Variants in HPRT1 observed in about 807,000 individuals in gnomAD.
HPRT1 encodes hypoxanthine phosphoribosyltransferase 1.
Under a neutral mutation model 19.0 loss-of-function variants are expected in HPRT1, and 4 were observed. The ratio of observed to expected loss-of-function variants is 0.21; its 90% CI spans 0.10 to 0.48. The LOEUF is 0.48. Among genes scored for constraint, HPRT1 ranks in the 20% least tolerant of loss-of-function variants. The pLI is 0.98. For missense variants in HPRT1, 65 were observed against 164.0 expected (o/e 0.40, Z 3.30); for synonymous variants, 53 against 54.9 (o/e 0.97, Z 0.15).
intron 1 of HPRT1, 39 bp downstream of exon 1, chrX:134,460,377 C>G: frequency 9.6e-7 from 1 of 1,040,954 alleles, no homozygotes; most frequent in Non-Finnish European, 1.2e-6. Flanking sequence ...CGGTTCAGGC[C>G]CACGCGGCAG....
At chrX:134,490,228 T>G in intron 5 of HPRT1, 23 bp downstream of exon 5, 1 of 931,292 alleles carries the variant, frequency 1.1e-6, no homozygotes, top group African/African-American at 1.9e-5. Context: ...TTACTTTTAA[T>G]ATAACATTTA....
chrX:134,488,263 A>G (rs1219500838), intron 4 of HPRT1, among the ~76,000 whole-genome samples: 2 of 110,152 alleles, frequency 1.8e-5, no homozygotes, highest in East Asian at 5.7e-4. Flanking sequence ...TCAGACTCCC[A>G]AGTAGCTGGG....
chrX:134,498,304 A>T, intron 6 of HPRT1, 86 bp from the exon 7 acceptor site: 1 of 751,947 alleles, frequency 1.3e-6, no homozygotes. Context: ...GGATGAAATG[A>T]AACAGTGTTT....
chrX:134,469,060 G>A (rs938802560), intron 1 of HPRT1, among the ~76,000 whole-genome samples: 3 of 111,014 alleles, frequency 2.7e-5, no homozygotes, highest in Non-Finnish European at 5.7e-5. Context: ...GCCCGGCCTT[G>A]TATTATGATA....
intron 6 of HPRT1, among the ~76,000 whole-genome samples, chrX:134,497,038 T>TATAACA (rs1000539518): frequency 8.9e-6 from 1 of 112,273 alleles, no homozygotes; most frequent in Non-Finnish European, 1.9e-5. Context: ...AGGCAGCATT[T>TATAACA]GGGTTATAAA....
At chrX:134,463,533 C>G (rs1170441778) in intron 1 of HPRT1, among the ~76,000 whole-genome samples, 1 of 110,959 alleles carries the variant, frequency 9.0e-6, no homozygotes, top group African/African-American at 3.3e-5. Flanking sequence ...TAGAGCAGTT[C>G]AGTTCAGGGG....
At chrX:134,482,686 T>G (rs1462223935) in intron 3 of HPRT1, among the ~76,000 whole-genome samples, 3 of 106,151 alleles carry the variant, frequency 2.8e-5, no homozygotes, top group Admixed American at 1.0e-4. Context: ...AAACCTTTAG[T>G]TTTTTTTTTA....
intron 3 of HPRT1, among the ~76,000 whole-genome samples, chrX:134,483,999 GTC>G (rs2077646304): frequency 9.0e-6 from 1 of 111,489 alleles, no homozygotes; most frequent in South Asian, 3.8e-4. Flanking sequence ...GTGAGATCCT[GTC>G]TCTATTTTTT....
intron 1 of HPRT1, among the ~76,000 whole-genome samples, chrX:134,473,061 T>G (rs1163787185): frequency 9.0e-6 from 1 of 110,543 alleles, no homozygotes. Flanking sequence ...CTAATTTTTT[T>G]GTATTTTTAG....
chrX:134,497,266 C>G (rs1284352300), intron 6 of HPRT1, among the ~76,000 whole-genome samples: 1 of 110,427 alleles, frequency 9.1e-6, no homozygotes, highest in Non-Finnish European at 1.9e-5. Context: ...GAAGTCAAGG[C>G]TGCAGTGAAC....
At chrX:134,484,848 A>T (rs926394592) in intron 3 of HPRT1, among the ~76,000 whole-genome samples, 16 of 111,296 alleles carry the variant, frequency 1.4e-4, no homozygotes, top group African/African-American at 4.9e-4. Flanking sequence ...TTTTTTAAAT[A>T]AAAAAAAGAG....
intron 1 of HPRT1, among the ~76,000 whole-genome samples, chrX:134,471,630 ACTTTT>A (rs2077610661): frequency 9.0e-6 from 1 of 110,965 alleles, no homozygotes; most frequent in Admixed American, 9.7e-5. Context: ...GGGGACAGCA[ACTTTT>A]CTTTTCTTTT....
At chrX:134,467,549 A>C (rs1164686771) in intron 1 of HPRT1, among the ~76,000 whole-genome samples, 2 of 111,668 alleles carry the variant, frequency 1.8e-5, no homozygotes, top group Non-Finnish European at 3.8e-5. Context: ...GGGGTTAATT[A>C]ATATCAGATG....
intron 1 of HPRT1, among the ~76,000 whole-genome samples, chrX:134,466,881 G>A (rs1051035491): frequency 9.0e-6 from 1 of 110,758 alleles, no homozygotes; most frequent in Non-Finnish European, 1.9e-5. Flanking sequence ...TTGGTGCTGG[G>A]TAACTTTGGG....
intron 1 of HPRT1, among the ~76,000 whole-genome samples, chrX:134,467,236 A>C (rs1230085725): frequency 9.1e-6 from 1 of 110,413 alleles, no homozygotes; most frequent in Non-Finnish European, 1.9e-5. Context: ...TTTTTTGTAG[A>C]GACAGGGTTT....
intron 3 of HPRT1, among the ~76,000 whole-genome samples, chrX:134,480,132 T>A (rs1262468202): frequency 9.0e-6 from 1 of 111,233 alleles, no homozygotes; most frequent in Non-Finnish European, 1.9e-5. Context: ...GAGAAAACTT[T>A]TTCATTTTTA....
At chrX:134,467,829 GGA>G (rs1174017475) in intron 1 of HPRT1, among the ~76,000 whole-genome samples, 1 of 97,417 alleles carries the variant, frequency 1.0e-5, no homozygotes, top group African/African-American at 3.8e-5. Context: ...TTTTTTAGAC[GGA>G]GTCTCGCTCT....
chrX:134,466,438 A>G (rs1305663465), intron 1 of HPRT1, among the ~76,000 whole-genome samples: 1 of 108,583 alleles, frequency 9.2e-6, no homozygotes, highest in Non-Finnish European at 1.9e-5. Flanking sequence ...AAAAAAAAAA[A>G]AGAGACACCA....
intron 5 of HPRT1, among the ~76,000 whole-genome samples, chrX:134,490,734 T>C (rs1383662778): frequency 9.3e-6 from 1 of 108,053 alleles, no homozygotes; most frequent in African/African-American, 3.4e-5. Context: ...ACCAAAAGTA[T>C]TAATATCAGA....
Sources: allele counts gnomAD v4.1 joint callset (sites outside exome capture counted in the v4.1 genomes callset), GRCh38; gene constraint gnomAD v4.1.1; transcripts MANE v1.5; gene names NCBI Gene and HGNC (gene_info 2026-07-23, HGNC 2026-07-21).